FBLIM1: variants seen among roughly 807,000 people sequenced by gnomAD.
The protein encoded by FBLIM1 is filamin binding LIM protein 1.
FBLIM1 carries 29 observed loss-of-function variants against 37.4 expected under a neutral mutation model. The ratio of observed to expected loss-of-function variants is 0.77; its 90% confidence interval spans 0.58 to 1.06. The LOEUF is 1.06. Among genes scored for constraint, FBLIM1 ranks in the 50% least tolerant of loss-of-function variants. The pLI is 0.00. For missense variants in FBLIM1, 449 were observed against 505.6 expected (o/e 0.89, Z 1.07); for synonymous variants, 193 against 199.0 (o/e 0.97, Z 0.25).
chr1:15,771,602 A>G (rs1200384105), intron 6 of FBLIM1, among the ~76,000 whole-genome samples: 1 of 152,022 alleles, frequency 6.6e-6, no homozygotes, highest in African/African-American at 2.4e-5. Context: ...CTTCAAAGCC[A>G]GCAGTGTAGC....
chr1:15,771,716 A>G (rs1315787706), intron 6 of FBLIM1, among the ~76,000 whole-genome samples: 1 of 151,990 alleles, frequency 6.6e-6, no homozygotes, highest in African/African-American at 2.4e-5. Context: ...CCCCATCTTA[A>G]GATCCTTAGC....
upstream of FBLIM1, chr1:15,756,815 G>A (rs765610191): frequency 6.6e-6 from 1 of 152,298 alleles, no homozygotes; most frequent in Non-Finnish European, 1.5e-5. Flanking sequence ...GACTAAGTCA[G>A]TGTGACCTTG....
intron 5 of FBLIM1, among the ~76,000 whole-genome samples, chr1:15,769,456 G>A (rs923218718): frequency 2.6e-5 from 4 of 151,098 alleles, no homozygotes; most frequent in African/African-American, 9.7e-5. Flanking sequence ...CAGCCTGGGT[G>A]ACAGAGTGAG....
chr1:15,785,554 G>T lies in FBLIM1; in HGVS notation c.*893G>T, dbSNP rs1246815580. The T allele has an allele frequency of 6.6e-6, 1 of 152,058 alleles. No individual in the cohort carries two copies. The highest frequency in any genetic ancestry group is 1.5e-5 in the Non-Finnish European group (1 of 68,052). The allele number at this position is 152,058 out of a possible 1,614,324, so 9.4% of individuals were successfully genotyped here. A position where few individuals can be genotyped will look rare whatever the true frequency, so the allele number is the denominator to read the frequency against. ...GGAGGCTGAGGCAGGAGCATTGCTT[G>T]AACCCGGGAGGCAGAGGTTGCAGTG... On this transcript the variant is annotated 3_prime_UTR_variant, in exon 9 of 9. Transcript: ENST00000375766.
intron 6 of FBLIM1, among the ~76,000 whole-genome samples, chr1:15,771,153 T>G (rs2069184476): frequency 6.6e-6 from 1 of 152,054 alleles, no homozygotes; most frequent in South Asian, 2.1e-4. Context: ...TTGGCCAGGC[T>G]GGTCTTGAAC....
chr1:15,782,403 A>G (rs2069666160), intron 8 of FBLIM1, among the ~76,000 whole-genome samples: 1 of 147,162 alleles, frequency 6.8e-6, no homozygotes, highest in Non-Finnish European at 1.5e-5. Flanking sequence ...GTGAGACTCT[A>G]TCTTAAAAAA....
At chr1:15,767,129 G>A (rs1406203823) in intron 3 of FBLIM1, among the ~76,000 whole-genome samples, 1 of 152,018 alleles carries the variant, frequency 6.6e-6, no homozygotes, top group Non-Finnish European at 1.5e-5. Flanking sequence ...CTGGGTTCAA[G>A]CGAACTGCCT....
intron 1 of FBLIM1, among the ~76,000 whole-genome samples, chr1:15,763,333 G>A (rs1231892528): frequency 6.6e-6 from 1 of 151,812 alleles, no homozygotes; most frequent in Non-Finnish European, 1.5e-5. Flanking sequence ...GCCTCCCAAA[G>A]TGCTGGGACA....
At chr1:15,759,933 A>T (rs1044283859) in intron 1 of FBLIM1, among the ~76,000 whole-genome samples, 3 of 152,224 alleles carry the variant, frequency 2.0e-5, no homozygotes, top group African/African-American at 7.2e-5. Flanking sequence ...GTCATTAAAG[A>T]ACAAAGCTGG....
chr1:15,765,312 A>G lies in FBLIM1; in HGVS notation c.250+79A>G, dbSNP rs369946658. 524 of 1,495,750 alleles carry G rather than the reference A, an allele frequency of 3.5e-4. 12 individuals are homozygous for G. The highest frequency in any genetic ancestry group is 1.4e-3 in the South Asian group (104 of 75,238). The allele number at this position is 1,495,750 out of a possible 1,614,324, so 92.7% of individuals were successfully genotyped here. On this transcript the variant is annotated intron_variant, in intron 3 of 8. Coordinates refer to ENST00000375766, the MANE Select transcript of FBLIM1 (RefSeq NM_017556.4). This position sits in a 1 kb window ranked among gnomAD's most constrained non-coding sequence, Gnocchi z 5.9. ...GAAAGGGCAGGCTCCAGCGTCATTC[A>G]TTCATTCATTATTCATCCTGACAAA...
At chr1:15,762,983 T>A (rs532109983) in intron 1 of FBLIM1, among the ~76,000 whole-genome samples, 97 of 151,878 alleles carry the variant, frequency 6.4e-4, no homozygotes, top group Middle Eastern at 3.4e-3. Context: ...AGAGAGGACA[T>A]AGGAAGGGCG....
In FBLIM1 at chr1:15,768,511, C is replaced by T. The variant is rs543087374; in HGVS notation, c.439-17C>T. 5.9e-5 allele frequency: 91 copies of T among 1,534,642 alleles called. No individual in the cohort carries two copies. In the Middle Eastern group the frequency reaches 1.2e-3, roughly 21 times the overall value. Reference sequence around the variant, plus strand: ...CATGGGGTCCCACTGGATGACTCCCCGTCTGCATCCCCACAGGCCCCAGCG... The same window carrying T: ...CATGGGGTCCCACTGGATGACTCCCTGTCTGCATCCCCACAGGCCCCAGCG... On this transcript the variant is annotated splice_polypyrimidine_tract_variant and intron_variant, in intron 4 of 8. Transcript: ENST00000375766.
chr1:15,759,518 T>C (rs962344737), intron 1 of FBLIM1, among the ~76,000 whole-genome samples: 3 of 152,084 alleles, frequency 2.0e-5, no homozygotes, highest in Non-Finnish European at 2.9e-5. Context: ...AATGACGCTG[T>C]AGGTTCTGTC....
chr1:15,767,280 C>T (rs1308404606), intron 3 of FBLIM1, 96 bp from the exon 4 acceptor site: 18 of 1,131,096 alleles, frequency 1.6e-5, no homozygotes, highest in Non-Finnish European at 1.8e-5. Context: ...CCGACCGGGG[C>T]CCTCAGCTTC....
rs1569661078 is a variant in FBLIM1, at chr1:15,758,995, G to C, written c.-211+147G>C. 2 of 152,354 alleles carry C rather than the reference G, an allele frequency of 1.3e-5. No homozygotes were observed. Among genetic ancestry groups the C allele is most frequent in the African/African-American group, 4.8e-5 (2 of 41,560 alleles). The allele number at this position is 152,354 out of a possible 1,614,324, so 9.4% of individuals were successfully genotyped here. A position where few individuals can be genotyped will look rare whatever the true frequency, so the allele number is the denominator to read the frequency against. On this transcript the variant is annotated intron_variant, in intron 1 of 8. Transcript: ENST00000375766. The surrounding 1 kb of genome is among the most constrained non-coding windows in gnomAD (Gnocchi z 6.2). The stretch of plus-strand genomic sequence containing the variant: ...GCGCCCCTGGAGGGGCCTGCGGGTG[G>C]GGGGTGCGGTCCTCACGCCCTTTGC...
In FBLIM1 at chr1:15,765,013, A is replaced by G. The variant is rs968153267; in HGVS notation, c.30A>G (p.Ala10=). 2 of 1,613,806 alleles carry G rather than the reference A, an allele frequency of 1.2e-6. No homozygotes were observed. Among genetic ancestry groups the G allele is most frequent in the Non-Finnish European group, 8.5e-7 (1 of 1,179,892 alleles). Residue 10 remains alanine, a synonymous_variant, in exon 3 of 9, where the codon GCA becomes GCG. Transcript: ENST00000375766. This position sits in a 1 kb window ranked among gnomAD's most constrained non-coding sequence, Gnocchi z 5.9. ...CCTCAAAGCCTGAGAAGAGGGTGGC[A>G]TCGTCTGTCTTTATCACCCTGGCAC... The part of the protein sequence containing the change: MASKPEKRV[A]SSVFITLAPP...
chr1:15,760,148 A>G lies in FBLIM1; in HGVS notation c.-211+1300A>G, dbSNP rs540306220. 2.0e-5 allele frequency among the ~76,000 whole-genome samples: 3 copies of G among 151,926 alleles called. No homozygotes were observed. The East Asian group carries it at 5.9e-4, about 30-fold the overall frequency. On this transcript the variant is annotated intron_variant, in intron 1 of 8. Coordinates refer to ENST00000375766, the MANE Select transcript of FBLIM1 (RefSeq NM_017556.4). ...TGAGGCACGAGAATCGCTTGAACCC[A>G]GGAGGCGGAGGTTGCAGTGAGCCGA...
At chr1:15,766,998 TTC>T (rs1172842222) in intron 3 of FBLIM1, among the ~76,000 whole-genome samples, 2 of 151,430 alleles carry the variant, frequency 1.3e-5, no homozygotes, top group African/African-American at 4.8e-5. Flanking sequence ...TAAGTGATCC[TTC>T]CACGTCAGCC....
Position 15,766,599 on chromosome 1 carries a change from A to AT in FBLIM1, c.251-764dup, listed in dbSNP as rs548983597. Among the ~76,000 whole-genome samples, 74 of 127,812 alleles carry AT rather than the reference A, an allele frequency of 5.8e-4. 1 individual carries two copies. The highest frequency in any genetic ancestry group is 1.2e-3 in the African/African-American group (40 of 33,964). 83.8% of individuals were successfully genotyped at this position (127,812 alleles called of 152,430 possible). A position where few individuals can be genotyped will look rare whatever the true frequency, so the allele number is the denominator to read the frequency against. Reference sequence around the variant, plus strand: ...GGCGTGAGCCACCGCGCCCAGCCTAATTTTTTTTTTTTTAGATGGAGTTTT... The same window carrying AT: ...GGCGTGAGCCACCGCGCCCAGCCTAATTTTTTTTTTTTTTAGATGGAGTTTT... On this transcript the variant is annotated intron_variant, in intron 3 of 8. Coordinates refer to ENST00000375766, the MANE Select transcript of FBLIM1 (RefSeq NM_017556.4).
Sources: gnomAD v4.1 joint callset for allele counts (sites outside exome capture counted in the v4.1 genomes callset) on GRCh38, gnomAD v4.1.1 for gene constraint, Gnocchi (gnomAD v3.1) non-coding constraint, MANE v1.5 for transcripts, NCBI Gene and HGNC (gene_info 2026-07-23, HGNC 2026-07-21) for gene names.